Variants in DUS4L observed in about 807,000 individuals in gnomAD.
The protein encoded by DUS4L is dihydrouridine synthase 4 like.
DUS4L carries 31 observed loss-of-function variants against 33.8 expected under a neutral mutation model. That is an observed-to-expected ratio of 0.92 (90% CI 0.69 to 1.24). DUS4L has a LOEUF of 1.24. Ranked by LOEUF, DUS4L falls within the 50% of genes most tolerant of loss-of-function variation. DUS4L has a pLI of 0.00. For missense variants in DUS4L, 368 were observed against 388.6 expected (o/e 0.95, Z 0.45); for synonymous variants, 103 against 120.3 (o/e 0.86, Z 0.94).
At position 107,577,470 on chromosome 7, in the gene DUS4L, G is replaced by A. The variant is rs1805854804; in HGVS notation, c.864G>A (p.Lys288=). The A allele has an allele frequency of 6.2e-7, 1 of 1,614,008 alleles. No homozygotes were observed. The highest frequency in any genetic ancestry group is 8.5e-7 in the Non-Finnish European group (1 of 1,180,022). Residue 288 remains lysine, a synonymous_variant, in exon 8 of 8, where the codon AAG becomes AAA. Transcript: ENST00000265720. The stretch of plus-strand genomic sequence containing the variant: ...AACATTTAATGTACATGATGGAAAA[G>A]ATAACTTCAAGGCAGGAAAAAAGGG... The part of the protein sequence containing the change: ...FHQHLMYMME[K]ITSRQEKRVF...
intron 4 of DUS4L, among the ~76,000 whole-genome samples, chr7:107,571,820 C>G (rs915524620): frequency 9.2e-5 from 14 of 152,166 alleles, no homozygotes; most frequent in Non-Finnish European, 8.8e-5. Context: ...TTTTCATAAT[C>G]TGACCTCTGA....
intron 2 of DUS4L, 36 bp from the exon 3 acceptor site, chr7:107,567,014 C>T (rs1038715891): frequency 4.4e-6 from 6 of 1,366,784 alleles, no homozygotes; most frequent in African/African-American, 1.5e-5. Flanking sequence ...ATAGTGAAAA[C>T]ATATTTTCTC....
At chr7:107,574,395 G>A (rs1020102519) in intron 5 of DUS4L, among the ~76,000 whole-genome samples, 2 of 146,716 alleles carry the variant, frequency 1.4e-5, no homozygotes, top group African/African-American at 2.5e-5. Context: ...TTGGAGTGCA[G>A]TGGTGTGGTC....
At chr7:107,565,681 G>A (rs969707694) in intron 2 of DUS4L, among the ~76,000 whole-genome samples, 6 of 151,876 alleles carry the variant, frequency 4.0e-5, no homozygotes, top group Non-Finnish European at 7.4e-5. Context: ...TTGCTACCAC[G>A]CCCAGCTGAT....
chr7:107,572,773 TG>T (rs1805372194), intron 4 of DUS4L, among the ~76,000 whole-genome samples: 1 of 151,110 alleles, frequency 6.6e-6, no homozygotes, highest in Non-Finnish European at 1.5e-5. Flanking sequence ...CACTTGAACC[TG>T]GGACGCAGAG....
chr7:107,565,293 C>T (rs1447648360), intron 2 of DUS4L, among the ~76,000 whole-genome samples: 1 of 152,132 alleles, frequency 6.6e-6, no homozygotes, highest in African/African-American at 2.4e-5. Flanking sequence ...GGTAGGAACC[C>T]ATTTAAACAA....
At chr7:107,571,033 A>T in intron 3 of DUS4L, 112 bp from the exon 4 acceptor site, 1 of 1,366,754 alleles carries the variant, frequency 7.3e-7, no homozygotes, top group East Asian at 2.4e-5. Context: ...GGGAAAAGTA[A>T]ATCTCCTCCA....
At chr7:107,572,201 T>C (rs1805310312) in intron 4 of DUS4L, among the ~76,000 whole-genome samples, 1 of 152,190 alleles carries the variant, frequency 6.6e-6, no homozygotes, top group Non-Finnish European at 1.5e-5. Context: ...ATCCTCAGCA[T>C]CTAGTACAGT....
intron 2 of DUS4L, among the ~76,000 whole-genome samples, chr7:107,565,127 TTTCC>T: frequency 1.3e-5 from 2 of 152,332 alleles, no homozygotes; most frequent in Admixed American, 1.3e-4. Flanking sequence ...AGGAATTGTT[TTTCC>T]TTCCTTGGCT....
rs138622655 is a variant in DUS4L at position 107,576,394 on chromosome 7, G to C, written c.508G>C (p.Asp170His). 3.9e-5 allele frequency: 62 copies of C among 1,609,086 alleles called. No individual in the cohort carries two copies. The African/African-American group carries it at 7.8e-4, about 20-fold the overall frequency. Residue 170 changes from aspartate to histidine, a missense_variant, in exon 7 of 8, where the codon GAT (aspartate) becomes CAT (histidine). By Grantham distance (81) the Asp-to-His change is moderately conservative. Transcript: ENST00000265720. ...CCATGATGACCTTAAAAGAACTGTA[G>C]ATCTTTGTCAAAAGGCTGAAGCAAC... The part of the protein sequence containing the change: ...RIHDDLKRTV[D>H]LCQKAEATGV...
chr7:107,570,996 T>G (rs1454498303), intron 3 of DUS4L, 149 bp from the exon 4 acceptor site: 1 of 1,028,868 alleles, frequency 9.7e-7, no homozygotes, highest in Non-Finnish European at 1.4e-6. Context: ...TATCCAAGGT[T>G]TTTAGTAATA....
At chr7:107,571,046 TC>T in intron 3 of DUS4L, 98 bp from the exon 4 acceptor site, 1 of 1,476,872 alleles carries the variant, frequency 6.8e-7, no homozygotes. Context: ...CTCCTCCATC[TC>T]CCCATAGGTA....
chr7:107,565,194 G>C (rs1804518205), intron 2 of DUS4L, among the ~76,000 whole-genome samples: 1 of 152,164 alleles, frequency 6.6e-6, no homozygotes, highest in African/African-American at 2.4e-5. Context: ...CATTCATACA[G>C]CGAAAGTTTT....
In DUS4L at chr7:107,577,751, A is replaced by G. The variant is rs1805881045; in HGVS notation, c.*191A>G. On this transcript the variant is annotated 3_prime_UTR_variant, in exon 8 of 8. Transcript: ENST00000265720. ...TTAGGTAGATCTGGAGTAGACCCAG[A>G]AATACACAGTTTAAAGAAAACTCCC... The G allele has an allele frequency of 5.6e-6, 3 of 531,174 alleles. No individual in the cohort carries two copies. Among genetic ancestry groups the G allele is most frequent in the Non-Finnish European group, 6.5e-6 (2 of 309,006 alleles). 32.9% of individuals were successfully genotyped at this position (531,174 alleles called of 1,614,324 possible).
chr7:107,564,231 C>T (rs941023759), intron 1 of DUS4L, 22 bp downstream of exon 1: 4 of 583,344 alleles, frequency 6.9e-6, no homozygotes, highest in South Asian at 2.0e-5. Context: ...AACGTGGCCG[C>T]AGCGCTTATC....
At chr7:107,573,585 G>A in intron 4 of DUS4L, 119 bp from the exon 5 acceptor site, 1 of 902,810 alleles carries the variant, frequency 1.1e-6, no homozygotes, top group East Asian at 2.9e-5. Context: ...TTGGACAGAT[G>A]CTTCTTAGGC....
In DUS4L at chr7:107,564,191, T is replaced by C; in HGVS notation, c.-129T>C. 1.7e-6 allele frequency: 1 copy of C among 605,480 alleles called. No homozygotes were observed. Among genetic ancestry groups the C allele is most frequent in the South Asian group, 2.0e-5 (1 of 50,188 alleles). The allele number at this position is 605,480 out of a possible 1,614,324, so 37.5% of individuals were successfully genotyped here. On this transcript the variant is annotated 5_prime_UTR_variant, in exon 1 of 8. Transcript: ENST00000265720. ...GGCCGCGCCCCCTGGGCTGGCGTCG[T>C]GCCCTAGCCAAGGAGAAGGTGGGCA...
chr7:107,573,701 C>T lies in DUS4L; in HGVS notation c.239-3C>T. 6.2e-7 allele frequency: 1 copy of T among 1,603,166 alleles called. No individual in the cohort carries two copies. Among genetic ancestry groups the T allele is most frequent in the Non-Finnish European group, 8.5e-7 (1 of 1,175,982 alleles). ...TTTAATGTTGAGCTATTCATTTTGT[C>T]AGGTGATTGCCCATTGATTGTTCAG... On this transcript the variant is annotated splice_region_variant and splice_polypyrimidine_tract_variant and intron_variant, in intron 4 of 7. Coordinates refer to ENST00000265720, the MANE Select transcript of DUS4L (RefSeq NM_181581.3).
At position 107,578,076 on chromosome 7, in the gene DUS4L, T is replaced by A. The variant is rs1805920115; in HGVS notation, c.*516T>A. ...TATATTAAAAATTCCATTTGGTTAA[T>A]GACATTAAATTTGGTACATTTCAAA... is the stretch of plus-strand genomic sequence containing the variant. On this transcript the variant is annotated 3_prime_UTR_variant, in exon 8 of 8. Transcript: ENST00000265720. 1 of 151,438 alleles carries A rather than the reference T, an allele frequency of 6.6e-6. No homozygotes were observed. The highest frequency in any genetic ancestry group is 1.5e-5 in the Non-Finnish European group (1 of 68,088). 9.4% of individuals were successfully genotyped at this position (151,438 alleles called of 1,614,324 possible).
Sources: allele counts gnomAD v4.1 joint callset (sites outside exome capture counted in the v4.1 genomes callset), GRCh38; gene constraint gnomAD v4.1.1; transcripts MANE v1.5; gene names NCBI Gene and HGNC (gene_info 2026-07-23, HGNC 2026-07-21).